Variants in CCDC3 observed in about 807,000 individuals in gnomAD.
CCDC3 encodes coiled-coil domain containing 3.
CCDC3 carries 24 observed loss-of-function variants against 21.4 expected under a neutral mutation model. The observed-to-expected ratio is 1.12, with a 90% CI of 0.81 to 1.58. CCDC3 has a LOEUF of 1.58. CCDC3 is among the 40% of genes most tolerant of loss of function. The probability of loss-of-function intolerance (pLI) is 0.00; values close to 1 mark genes in which losing one functional copy is unlikely to be tolerated. For synonymous variants in CCDC3, 186 were observed against 166.0 expected, an observed-to-expected ratio of 1.12 and a Z score of -0.93; for missense variants, 425 against 360.9, an observed-to-expected ratio of 1.18 and a Z score of -1.44.
chr10:13,050,512 A>G (rs1322743161), intron 4 of CCDC3, among the ~76,000 whole-genome samples: 1 of 141,940 alleles, frequency 7.0e-6, no homozygotes, highest in African/African-American at 2.7e-5. Flanking sequence ...CCAGGCTGGA[A>G]TACAGTGGCA....
At chr10:13,067,392 T>TA (rs1491312464) in intron 4 of CCDC3, among the ~76,000 whole-genome samples, 2 of 32,934 alleles carry the variant, frequency 6.1e-5, no homozygotes, top group Non-Finnish European at 1.1e-4. Context: ...AAGTGAGAGG[T>TA]TTTTTTTTTC....
intron 2 of CCDC3, among the ~76,000 whole-genome samples, chr10:12,984,941 T>C (rs191060120): frequency 5.3e-5 from 8 of 152,314 alleles, no homozygotes; most frequent in Admixed American, 4.6e-4. Flanking sequence ...ATCTGGGGTT[T>C]CTTTTGGGGG....
At chr10:13,084,664 A>G (rs369522404) in intron 3 of CCDC3, among the ~76,000 whole-genome samples, 1 of 152,178 alleles carries the variant, frequency 6.6e-6, no homozygotes. Context: ...ACGAGATCCA[A>G]TAACCCTCTC....
chr10:13,089,819 A>C (rs2131453884), intron 3 of CCDC3, among the ~76,000 whole-genome samples: 1 of 146,450 alleles, frequency 6.8e-6, no homozygotes. Context: ...GTAGCCTTTT[A>C]TCCCCCACCC....
chr10:13,064,296 A>C (rs1182828781), intron 4 of CCDC3, among the ~76,000 whole-genome samples: 1 of 152,230 alleles, frequency 6.6e-6, no homozygotes, highest in Non-Finnish European at 1.5e-5. Flanking sequence ...GTCAGGGGCT[A>C]TTAAACCTGT....
intron 2 of CCDC3, 88 bp downstream of exon 2, chr10:12,998,250 G>A: frequency 5.6e-6 from 8 of 1,426,666 alleles, no homozygotes; most frequent in Non-Finnish European, 7.7e-6. Context: ...TTTTGGAAGA[G>A]TATTCTTGAT....
In CCDC3 at chr10:13,049,373, C is replaced by G. The variant is rs147332424; in HGVS notation, c.-2+301G>C. On this transcript the variant is annotated intron_variant, in intron 5 of 6. Coordinates refer to the CCDC3 transcript ENST00000378839. Reference sequence around the variant, plus strand: ...ATTAACTTTATTCCCTTATTCAGAACAAGTGAATTGGATGGCGCCAATGGC... The same window carrying G: ...ATTAACTTTATTCCCTTATTCAGAAGAAGTGAATTGGATGGCGCCAATGGC... Among the ~76,000 whole-genome samples, 31 of 152,118 alleles carry G rather than the reference C, an allele frequency of 2.0e-4. No individual in the cohort carries two copies. The East Asian group carries it at 4.4e-3, about 22-fold the overall frequency.
intron 5 of CCDC3, among the ~76,000 whole-genome samples, chr10:13,019,535 A>G (rs1181085320): frequency 2.0e-5 from 3 of 152,196 alleles, no homozygotes; most frequent in Non-Finnish European, 4.4e-5. Context: ...GCATTGCACT[A>G]ACTTCTACCC....
intron 2 of CCDC3, among the ~76,000 whole-genome samples, chr10:12,960,608 C>T (rs749812197): frequency 1.3e-5 from 2 of 152,174 alleles, no homozygotes; most frequent in Non-Finnish European, 2.9e-5. Context: ...AGCTTTCCCA[C>T]CACAGTGACA....
At chr10:13,063,037 T>G (rs974654513) in intron 4 of CCDC3, among the ~76,000 whole-genome samples, 6 of 151,778 alleles carry the variant, frequency 4.0e-5, no homozygotes. Context: ...CAATCAGCAC[T>G]CCTGGCTCAC....
intron 3 of CCDC3, among the ~76,000 whole-genome samples, chr10:13,076,369 G>A (rs1276834944): frequency 6.6e-6 from 1 of 152,194 alleles, no homozygotes; most frequent in Non-Finnish European, 1.5e-5. Context: ...TGCCCTCCCC[G>A]AAAGTTAGAT....
At chr10:13,036,851 C>T (rs1836383847) in intron 5 of CCDC3, among the ~76,000 whole-genome samples, 2 of 151,072 alleles carry the variant, frequency 1.3e-5, no homozygotes, top group African/African-American at 4.9e-5. Context: ...GTGATCACGG[C>T]TCATTGCAGC....
chr10:13,004,473 T>C (rs996362369), upstream of CCDC3, among the ~76,000 whole-genome samples: 3 of 152,038 alleles, frequency 2.0e-5, no homozygotes, highest in African/African-American at 7.2e-5. Flanking sequence ...CATGAGTCCA[T>C]AGATGGTGCT....
intron 4 of CCDC3, among the ~76,000 whole-genome samples, chr10:13,071,562 G>A (rs1012278538): frequency 7.2e-5 from 11 of 152,334 alleles, no homozygotes; most frequent in African/African-American, 2.6e-4. Context: ...ATGTGGGTAA[G>A]AGCGGATATT....
intron 2 of CCDC3, among the ~76,000 whole-genome samples, chr10:12,955,489 G>A (rs1017307200): frequency 3.3e-5 from 5 of 152,168 alleles, no homozygotes; most frequent in African/African-American, 1.2e-4. Flanking sequence ...AGGAAAGGGA[G>A]GCAAATTCCA....
intron 2 of CCDC3, among the ~76,000 whole-genome samples, chr10:12,945,879 G>A (rs1487667287): frequency 6.6e-6 from 1 of 152,220 alleles, no homozygotes; most frequent in East Asian, 1.9e-4. Context: ...CAGTGTGTGT[G>A]TGATAGCTAA....
intron 5 of CCDC3, among the ~76,000 whole-genome samples, chr10:13,017,269 T>C (rs1589041307): frequency 6.6e-6 from 1 of 151,632 alleles, no homozygotes; most frequent in Admixed American, 6.6e-5. Flanking sequence ...GTAATCCCAG[T>C]ACTTTGGGAG....
intron 5 of CCDC3, among the ~76,000 whole-genome samples, chr10:13,024,008 G>A (rs1044439647): frequency 1.3e-5 from 2 of 152,148 alleles, no homozygotes; most frequent in South Asian, 2.1e-4. Context: ...GGTACATGTA[G>A]CTAGTTTACT....
intron 2 of CCDC3, among the ~76,000 whole-genome samples, chr10:12,915,388 C>T (rs1485528548): frequency 6.6e-6 from 1 of 152,160 alleles, no homozygotes; most frequent in Admixed American, 6.5e-5. Flanking sequence ...CTGATTGGTT[C>T]AATTGTTTTT....
Sources: gnomAD v4.1 joint callset for allele counts (sites outside exome capture counted in the v4.1 genomes callset) on GRCh38, gnomAD v4.1.1 for gene constraint, MANE v1.5 for transcripts, NCBI Gene and HGNC (gene_info 2026-07-23, HGNC 2026-07-21) for gene names.